CHRM3: variants seen among roughly 807,000 people sequenced by gnomAD.
CHRM3 encodes cholinergic receptor muscarinic 3, also known as muscarinic acetylcholine receptor M3.
CHRM3 carries 11 observed loss-of-function variants against 41.8 expected under a neutral mutation model. That is an observed-to-expected ratio of 0.26 (90% CI 0.17 to 0.44). The LOEUF is 0.44. Ranked by LOEUF, CHRM3 falls within the 20% of genes least tolerant of loss-of-function variation. CHRM3 has a pLI of 1.00. For missense variants in CHRM3, 571 were observed against 745.4 expected, an observed-to-expected ratio of 0.77 and a Z score of 2.72; for synonymous variants, 297 against 301.4, an observed-to-expected ratio of 0.99 and a Z score of 0.15.
chr1:239,832,867 A>G (rs1247154683), intron 6 of CHRM3, among the ~76,000 whole-genome samples: 1 of 152,198 alleles, frequency 6.6e-6, no homozygotes. Flanking sequence ...TTGGGATATC[A>G]GGACGCTCCT....
At chr1:239,524,569 T>C (rs1379099868) in intron 2 of CHRM3, among the ~76,000 whole-genome samples, 1 of 152,212 alleles carries the variant, frequency 6.6e-6, no homozygotes, top group East Asian at 1.9e-4. Flanking sequence ...CATTGTTCTA[T>C]AGAATTAGAG....
At chr1:239,844,346 T>A (rs546940649) in intron 6 of CHRM3, among the ~76,000 whole-genome samples, 23 of 152,324 alleles carry the variant, frequency 1.5e-4, no homozygotes, top group East Asian at 1.9e-4. Flanking sequence ...GAACTCAATA[T>A]GAGTCATTAA....
intron 5 of CHRM3, among the ~76,000 whole-genome samples, chr1:239,683,491 A>T (rs919750628): frequency 6.6e-6 from 1 of 152,364 alleles, no homozygotes. Flanking sequence ...TTATTCAGGC[A>T]TAACTGCCCA....
chr1:239,486,160 T>G (rs1667169399), intron 1 of CHRM3, among the ~76,000 whole-genome samples: 1 of 152,170 alleles, frequency 6.6e-6, no homozygotes, highest in Admixed American at 6.5e-5. Flanking sequence ...TCTTTCCAAA[T>G]GCTTGAATAT....
Position 239,544,429 on chromosome 1 carries a change from G to A in CHRM3, c.-421-1212G>A, listed in dbSNP as rs114090299. On this transcript the variant is annotated intron_variant, in intron 2 of 6. Coordinates refer to ENST00000676153, the MANE Select transcript of CHRM3 (RefSeq NM_001375978.1). ...AACCTTTTTCTATTTTTGAGAAATA[G>A]AATTCGATCTCTAAATGAATTAAAC... 2.4e-3 allele frequency among the ~76,000 whole-genome samples: 358 copies of A among 152,222 alleles called. 1 individual carries two copies. The highest frequency in any genetic ancestry group is 8.1e-3 in the African/African-American group (337 of 41,530).
At chr1:239,479,229 C>CAG (rs1553309265) in intron 1 of CHRM3, among the ~76,000 whole-genome samples, 3 of 150,178 alleles carry the variant, frequency 2.0e-5, no homozygotes, top group African/African-American at 7.4e-5. Context: ...CACACACACA[C>CAG]AGAAAAACAG....
chr1:239,528,453 A>G (rs564206833), intron 2 of CHRM3, among the ~76,000 whole-genome samples: 10 of 152,326 alleles, frequency 6.6e-5, no homozygotes, highest in South Asian at 4.1e-4. Flanking sequence ...GACAATAAAT[A>G]AGGTGCTCTT....
chr1:239,815,834 TA>T (rs1671531494), intron 5 of CHRM3, among the ~76,000 whole-genome samples: 1 of 152,204 alleles, frequency 6.6e-6, no homozygotes, highest in South Asian at 2.1e-4. Context: ...GTCCAGGTTT[TA>T]TGCATCTTTA....
intron 6 of CHRM3, among the ~76,000 whole-genome samples, chr1:239,903,247 T>G (rs1216756552): frequency 2.6e-5 from 4 of 152,180 alleles, no homozygotes; most frequent in African/African-American, 9.7e-5. Context: ...TTTCGAAAAT[T>G]TTTACTTATA....
chr1:239,556,680 G>T (rs1038137877), intron 3 of CHRM3, among the ~76,000 whole-genome samples: 1 of 152,092 alleles, frequency 6.6e-6, no homozygotes, highest in Non-Finnish European at 1.5e-5. Context: ...AATGACAGGG[G>T]CCTCCTCAAG....
chr1:239,854,789 T>G (rs967255734), intron 6 of CHRM3, among the ~76,000 whole-genome samples: 7 of 152,162 alleles, frequency 4.6e-5, no homozygotes, highest in Non-Finnish European at 7.4e-5. Context: ...ATATGGAAAA[T>G]GTACTTTCAG....
chr1:239,749,169 G>T (rs1665603830), intron 5 of CHRM3, among the ~76,000 whole-genome samples: 1 of 152,304 alleles, frequency 6.6e-6, no homozygotes, highest in East Asian at 1.9e-4. Context: ...AATCGTTATA[G>T]GTGGTCAAAC....
intron 6 of CHRM3, among the ~76,000 whole-genome samples, chr1:239,899,360 CATAA>C (rs1679298506): frequency 7.0e-6 from 1 of 142,038 alleles, no homozygotes; most frequent in African/African-American, 2.6e-5. Flanking sequence ...TGTATATATA[CATAA>C]ATACATATAT....
chr1:239,613,024 T>C (rs1031751115), intron 3 of CHRM3, among the ~76,000 whole-genome samples: 2 of 152,236 alleles, frequency 1.3e-5, no homozygotes, highest in Non-Finnish European at 2.9e-5. Flanking sequence ...AAACCCTGAC[T>C]GTGTATGCTA....
chr1:239,423,746 T>C (rs1176028235), intron 1 of CHRM3, among the ~76,000 whole-genome samples: 2 of 152,072 alleles, frequency 1.3e-5, no homozygotes, highest in Non-Finnish European at 2.9e-5. Context: ...TATTATCATA[T>C]TTTTTCTAAG....
chr1:239,868,651 C>T (rs531116906), intron 6 of CHRM3, among the ~76,000 whole-genome samples: 2 of 152,274 alleles, frequency 1.3e-5, no homozygotes, highest in Admixed American at 6.5e-5. Flanking sequence ...CTTCAGCTCC[C>T]GTCCTGCCCA....
chr1:239,845,547 G>A (rs895956895), intron 6 of CHRM3, among the ~76,000 whole-genome samples: 8 of 152,148 alleles, frequency 5.3e-5, no homozygotes, highest in South Asian at 2.1e-4. Context: ...TTGCTGTGGC[G>A]TGTCACCCGC....
At chr1:239,674,912 C>T (rs1267785588) in intron 4 of CHRM3, among the ~76,000 whole-genome samples, 1 of 151,940 alleles carries the variant, frequency 6.6e-6, no homozygotes, top group Non-Finnish European at 1.5e-5. Flanking sequence ...CTGGTGTGTT[C>T]GTGGCCATAC....
Position 239,907,218 on chromosome 1 carries a change from A to C in CHRM3, c.-19-215A>C, listed in dbSNP as rs567230209. ...GGGAAAAAAGCACAATGTTCAGTGC[A>C]TGCCACCAATTATATAATACTATCT... is the stretch of plus-strand genomic sequence containing the variant. On this transcript the variant is annotated intron_variant, in intron 6 of 6. Transcript: ENST00000676153. The surrounding 1 kb of genome is among the most constrained non-coding windows in gnomAD (Gnocchi z 5.4). Among the ~76,000 whole-genome samples the C allele has an allele frequency of 6.6e-6, 1 of 152,230 alleles. No homozygotes were observed. The highest frequency in any genetic ancestry group is 2.4e-5 in the African/African-American group (1 of 41,464).
Sources: allele counts gnomAD v4.1 joint callset (sites outside exome capture counted in the v4.1 genomes callset), GRCh38; gene constraint gnomAD v4.1.1; non-coding constraint Gnocchi (gnomAD v3.1); transcripts MANE v1.5; gene names NCBI Gene and HGNC (gene_info 2026-07-23, HGNC 2026-07-21).